The following SGCG variants were observed in gnomAD, a reference collection of about 807,000 sequenced individuals.
The protein encoded by SGCG is sarcoglycan gamma, also known as gamma-sarcoglycan.
A neutral mutation model predicts 29.3 loss-of-function variants in SGCG; 26 were observed. That is an observed-to-expected ratio of 0.89 (90% confidence interval 0.65 to 1.23). The LOEUF (loss-of-function observed/expected upper bound fraction) is 1.23, where lower values mean the gene tolerates loss of function less well. SGCG is among the 50% of genes most tolerant of loss of function. The probability of loss-of-function intolerance (pLI) is 0.00; values close to 1 mark genes in which losing one functional copy is unlikely to be tolerated. For missense variants in SGCG, 353 were observed against 356.0 expected (o/e 0.99, Z 0.07); for synonymous variants, 145 against 129.7 (o/e 1.12, Z -0.80).
intron 6 of SGCG, among the ~76,000 whole-genome samples, chr13:23,310,709 A>G (rs1207983592): frequency 1.3e-5 from 2 of 151,912 alleles, no homozygotes; most frequent in Admixed American, 1.3e-4. Context: ...TGTTGGATTA[A>G]TAAACTTTTC....
intron 1 of SGCG, 60 bp from the exon 2 acceptor site, chr13:23,203,635 G>A: frequency 8.0e-7 from 1 of 1,247,576 alleles, no homozygotes; most frequent in South Asian, 1.3e-5. Context: ...TAAACAAGTT[G>A]CCTCCCTCAT....
At chr13:23,238,486 C>G (rs1455116941) in intron 3 of SGCG, among the ~76,000 whole-genome samples, 1 of 152,138 alleles carries the variant, frequency 6.6e-6, no homozygotes, top group Non-Finnish European at 1.5e-5. Context: ...CATATTCCCA[C>G]CAGTCAGAGT....
rs1186029952 is a variant in SGCG, at chr13:23,324,929, C to G, written c.*388C>G. ...TATCTAATGCCCTGTTGAGAGTAGCCTTGCTCAGTACTAAAATGCCCCAAA... is the reference window on the plus strand; with the variant it reads ...TATCTAATGCCCTGTTGAGAGTAGCGTTGCTCAGTACTAAAATGCCCCAAA... On this transcript the variant is annotated 3_prime_UTR_variant, in exon 8 of 8. Transcript: ENST00000218867. 3.0e-6 allele frequency: 1 copy of G among 333,246 alleles called. No individual in the cohort carries two copies. Among genetic ancestry groups the G allele is most frequent in the Non-Finnish European group, 5.9e-6 (1 of 169,528 alleles). 20.6% of individuals were successfully genotyped at this position (333,246 alleles called of 1,614,324 possible). A position where few individuals can be genotyped will look rare whatever the true frequency, so the allele number is the denominator to read the frequency against.
intron 4 of SGCG, among the ~76,000 whole-genome samples, chr13:23,253,994 G>A (rs1294509578): frequency 6.6e-6 from 1 of 152,208 alleles, no homozygotes; most frequent in Non-Finnish European, 1.5e-5. Flanking sequence ...AGAATTGTGA[G>A]CCAATTAAAC....
chr13:23,313,458 C>T (rs763577162), intron 6 of SGCG, among the ~76,000 whole-genome samples: 15 of 152,284 alleles, frequency 9.9e-5, no homozygotes, highest in Non-Finnish European at 1.6e-4. Flanking sequence ...AGCCACTGAG[C>T]CTGGCCTTCT....
At chr13:23,283,751 A>G (rs373848410) in intron 5 of SGCG, among the ~76,000 whole-genome samples, 15 of 152,134 alleles carry the variant, frequency 9.9e-5, no homozygotes, top group African/African-American at 3.4e-4. Flanking sequence ...AGTGGCTGGT[A>G]CCGGTTTTTC....
At chr13:23,288,112 C>G (rs537595522) in intron 5 of SGCG, among the ~76,000 whole-genome samples, 84 of 152,172 alleles carry the variant, frequency 5.5e-4, no homozygotes, top group Non-Finnish European at 9.6e-4. Flanking sequence ...AAACTTTTCT[C>G]CACTACCTGT....
the SGCG span, among the ~76,000 whole-genome samples, chr13:23,171,422 G>A: frequency 6.6e-6 from 1 of 152,144 alleles, no homozygotes; most frequent in Non-Finnish European, 1.5e-5. Context: ...CAAAGCCTGA[G>A]ATTTTTGTTA....
At position 23,280,162 on chromosome 13, in the gene SGCG, C is replaced by CA. The variant is rs553529278; in HGVS notation, c.505+692dup. Among the ~76,000 whole-genome samples, 187 of 151,830 alleles carry CA rather than the reference C, an allele frequency of 1.2e-3. No homozygotes were observed. The East Asian group carries it at 0.013, about 11-fold the overall frequency. ...TGTACTTGAATTACTCATATTTCTACAAAAAAAAGTTCTCTTTTTGAACTA... is the reference window on the plus strand; with the variant it reads ...TGTACTTGAATTACTCATATTTCTACAAAAAAAAAGTTCTCTTTTTGAACTA... On this transcript the variant is annotated intron_variant, in intron 5 of 7. Transcript: ENST00000218867.
chr13:23,279,715 C>A (rs1881230702), intron 5 of SGCG, among the ~76,000 whole-genome samples: 1 of 151,550 alleles, frequency 6.6e-6, no homozygotes, highest in African/African-American at 2.4e-5. Flanking sequence ...TTGTCCCTTC[C>A]TTCCTCCCTT....
At chr13:23,285,438 T>A (rs1237132226) in intron 5 of SGCG, among the ~76,000 whole-genome samples, 2 of 152,142 alleles carry the variant, frequency 1.3e-5, no homozygotes, top group African/African-American at 2.4e-5. Context: ...CAAACCTCAG[T>A]AATGGTGGAC....
At chr13:23,314,479 C>CTTATTAGT (rs1882734146) in intron 6 of SGCG, among the ~76,000 whole-genome samples, 1 of 134,758 alleles carries the variant, frequency 7.4e-6, no homozygotes. Flanking sequence ...AGATATATAT[C>CTTATTAGT]TTATTAGTTC....
upstream of SGCG, among the ~76,000 whole-genome samples, chr13:23,179,997 G>A (rs1460041601): frequency 6.6e-6 from 1 of 152,114 alleles, no homozygotes; most frequent in South Asian, 2.1e-4. Flanking sequence ...CCCAGTACCC[G>A]ATAGACAGTT....
chr13:23,181,616 G>A (rs1359061535), intron 1 of SGCG, among the ~76,000 whole-genome samples: 3 of 152,154 alleles, frequency 2.0e-5, no homozygotes, highest in Non-Finnish European at 4.4e-5. Context: ...GAGTGAAAAG[G>A]GAAGAATGTT....
chr13:23,250,642 C>A lies in SGCG; in HGVS notation c.310C>A (p.Leu104Ile), dbSNP rs918581161. 1.9e-6 allele frequency: 3 copies of A among 1,605,924 alleles called. No individual in the cohort carries two copies. The highest frequency in any genetic ancestry group is 2.6e-6 in the Non-Finnish European group (3 of 1,172,674). Residue 104 changes from leucine (L) to isoleucine (I), a missense_variant, in exon 4 of 8, where the codon CTT (leucine) becomes ATT (isoleucine). Leu to Ile is a conservative substitution (Grantham distance 5, BLOSUM62 2). Transcript: ENST00000218867. Reference sequence around the variant, plus strand: ...AATCTCTTTCTAGGACTCATCTCTGCTTCTACAATCAACCCAGAATGTGAC... The same window carrying A: ...AATCTCTTTCTAGGACTCATCTCTGATTCTACAATCAACCCAGAATGTGAC... ...EIHSRVDSSL[L>I]LQSTQNVTVN...
intron 5 of SGCG, among the ~76,000 whole-genome samples, chr13:23,281,585 A>C (rs1220147392): frequency 1.3e-5 from 2 of 152,170 alleles, no homozygotes; most frequent in Non-Finnish European, 2.9e-5. Context: ...GTAGAAGAGC[A>C]GTCCCCAACC....
At chr13:23,172,176 G>T in the SGCG span, among the ~76,000 whole-genome samples, 3 of 152,116 alleles carry the variant, frequency 2.0e-5, no homozygotes, top group Non-Finnish European at 4.4e-5. Context: ...TGTATTCCAG[G>T]GAGCCTTTGA....
At chr13:23,161,524 A>G in the SGCG span, among the ~76,000 whole-genome samples, 6 of 152,240 alleles carry the variant, frequency 3.9e-5, no homozygotes, top group African/African-American at 7.2e-5. Context: ...ACATTTTTCA[A>G]TGTAATATGG....
In SGCG at chr13:23,311,809, T is replaced by C. The variant is rs376189988; in HGVS notation, c.579-8828T>C. On this transcript the variant is annotated intron_variant, in intron 6 of 7. Coordinates refer to ENST00000218867, the MANE Select transcript of SGCG (RefSeq NM_000231.3). The stretch of plus-strand genomic sequence containing the variant: ...CTATCTAATTTCTCAAATTAGAAAA[T>C]AGATTTTTTTCATTGAAATTATTGT... 3.3e-5 allele frequency among the ~76,000 whole-genome samples: 5 copies of C among 152,290 alleles called. No individual in the cohort carries two copies. The South Asian group carries it at 6.2e-4, about 19-fold the overall frequency.
Sources: gnomAD v4.1 joint callset for allele counts (sites outside exome capture counted in the v4.1 genomes callset) on GRCh38, gnomAD v4.1.1 for gene constraint, MANE v1.5 for transcripts, NCBI Gene and HGNC (gene_info 2026-07-23, HGNC 2026-07-21) for gene names.